MGAT5B: variants seen among roughly 807,000 people sequenced by gnomAD.
The protein encoded by MGAT5B is alpha-1,6-mannosylglycoprotein 6-beta-N-acetylglucosaminyltransferase B.
Under a neutral mutation model 95.1 loss-of-function variants are expected in MGAT5B, and 54 were observed. The ratio of observed to expected loss-of-function variants is 0.57; its 90% confidence interval spans 0.46 to 0.71. MGAT5B has a LOEUF of 0.71. MGAT5B is among the 30% of genes least tolerant of loss of function. The pLI, the probability that MGAT5B is intolerant of heterozygous loss-of-function variation, is 0.00. For missense variants in MGAT5B, 935 were observed against 1,088.6 expected, an observed-to-expected ratio of 0.86 and a Z score of 1.99; for synonymous variants, 464 against 451.0, an observed-to-expected ratio of 1.03 and a Z score of -0.36.
At chr17:76,913,974 G>T in intron 8 of MGAT5B, 1 of 352,678 alleles carries the variant, frequency 2.8e-6, no homozygotes, top group Admixed American at 3.7e-5. Flanking sequence ...AGCCAAGTGC[G>T]CCTGTGGTCC....
At chr17:76,941,787 G>C (rs771513702) in intron 15 of MGAT5B, among the ~76,000 whole-genome samples, 65 of 152,378 alleles carry the variant, frequency 4.3e-4, no homozygotes, top group Non-Finnish European at 8.2e-4. Flanking sequence ...CAGGAAGCAG[G>C]CACGGAGGTG....
At chr17:76,903,416 G>A (rs1968395700) in intron 5 of MGAT5B, 40 bp downstream of exon 5, 1 of 1,554,204 alleles carries the variant, frequency 6.4e-7, no homozygotes, top group African/African-American at 1.4e-5. Context: ...TCTACAGCTA[G>A]GGCCTCTCTG....
At position 76,916,977 on chromosome 17, in the gene MGAT5B, A is replaced by G. The variant is rs1262790335; in HGVS notation, c.1026-7989A>G. On this transcript the variant is annotated intron_variant, in intron 8 of 17. Coordinates refer to ENST00000569840, the MANE Select transcript of MGAT5B (RefSeq NM_001199172.2). The surrounding 1 kb of genome is among the most constrained non-coding windows in gnomAD (Gnocchi z 5.3). ...GTCTGGGGCTTTTTATTCTGGGTGAAGCCGGCAGAAGCACAGGGTGGTACG... is the reference window on the plus strand; with the variant it reads ...GTCTGGGGCTTTTTATTCTGGGTGAGGCCGGCAGAAGCACAGGGTGGTACG... Among the ~76,000 whole-genome samples, 1 of 152,138 alleles carries G rather than the reference A, an allele frequency of 6.6e-6. No homozygotes were observed. The highest frequency in any genetic ancestry group is 1.5e-5 in the Non-Finnish European group (1 of 68,016).
At chr17:76,909,814 C>G (rs1191624280) in intron 8 of MGAT5B, among the ~76,000 whole-genome samples, 1 of 152,162 alleles carries the variant, frequency 6.6e-6, no homozygotes, top group African/African-American at 2.4e-5. Context: ...AGGTTTTCAT[C>G]CCCGTGGCCT....
Position 76,949,004 on chromosome 17 carries a change from TAGG to T in MGAT5B, c.*173_*175del, listed in dbSNP as rs992401030. The T allele has an allele frequency of 2.5e-6, 2 of 805,938 alleles. No individual in the cohort carries two copies. The highest frequency in any genetic ancestry group is 3.8e-6 in the Non-Finnish European group (2 of 524,682). 49.9% of individuals were successfully genotyped at this position (805,938 alleles called of 1,614,324 possible). On this transcript the variant is annotated 3_prime_UTR_variant, in exon 18 of 18. Coordinates refer to ENST00000569840, the MANE Select transcript of MGAT5B (RefSeq NM_001199172.2). ...GGCAGAGGAGAGCCGTGCCCGGGAA[TAGG>T]AGGAGGCAGCATGCCGAGCCCCTGG...
intron 12 of MGAT5B, among the ~76,000 whole-genome samples, chr17:76,935,902 AC>A (rs1348957938): frequency 1.5e-5 from 2 of 134,630 alleles, no homozygotes; most frequent in Non-Finnish European, 1.6e-5. Context: ...AATTATATAT[AC>A]ATTATATATA....
In MGAT5B at chr17:76,905,116, A is replaced by G; in HGVS notation, c.691-53A>G. 6.5e-7 allele frequency: 1 copy of G among 1,548,718 alleles called. No individual in the cohort carries two copies. Among genetic ancestry groups the G allele is most frequent in the South Asian group, 1.2e-5 (1 of 82,188 alleles). The stretch of plus-strand genomic sequence containing the variant: ...GCCCCTGTCCCCAGGCCAGCGGGGA[A>G]TGATGGTGGCCGCAGGTTGAGGGGC... On this transcript the variant is annotated intron_variant, in intron 6 of 17. Coordinates refer to ENST00000569840, the MANE Select transcript of MGAT5B (RefSeq NM_001199172.2). The surrounding 1 kb of genome is among the most constrained non-coding windows in gnomAD (Gnocchi z 4.2).
chr17:76,895,425 T>C (rs1053296227), intron 3 of MGAT5B, among the ~76,000 whole-genome samples: 2 of 152,112 alleles, frequency 1.3e-5, no homozygotes, highest in African/African-American at 4.8e-5. Context: ...AAAATTGTCT[T>C]CCACGAAACC....
At chr17:76,904,781 C>T (rs965485291) in intron 6 of MGAT5B, among the ~76,000 whole-genome samples, 2 of 152,224 alleles carry the variant, frequency 1.3e-5, no homozygotes, top group Non-Finnish European at 2.9e-5. Flanking sequence ...ATTTGACAGA[C>T]GATGCATCTG....
intron 8 of MGAT5B, among the ~76,000 whole-genome samples, chr17:76,922,963 C>T (rs539101661): frequency 6.6e-6 from 1 of 152,286 alleles, no homozygotes; most frequent in East Asian, 1.9e-4. Context: ...CCAGAGAAAG[C>T]GCCTCCCCTC....
At chr17:76,933,251 C>G in intron 11 of MGAT5B, 41 bp from the exon 12 acceptor site, 1 of 1,595,146 alleles carries the variant, frequency 6.3e-7, no homozygotes, top group Non-Finnish European at 8.5e-7. Flanking sequence ...AACCTGCTGT[C>G]TCTCTCTCTG....
chr17:76,879,408 G>A (rs1335179157), intron 2 of MGAT5B, among the ~76,000 whole-genome samples: 2 of 152,202 alleles, frequency 1.3e-5, no homozygotes, highest in South Asian at 2.1e-4. Flanking sequence ...CTCTGGCCAC[G>A]GCACCGCTAT....
In MGAT5B at chr17:76,882,360, C is replaced by T. The variant is rs972823511; in HGVS notation, c.329+62C>T. The T allele has an allele frequency of 2.5e-5, 38 of 1,529,652 alleles. No individual in the cohort carries two copies. In the Admixed American group the frequency reaches 2.7e-4, roughly 11 times the overall value. 94.8% of individuals were successfully genotyped at this position (1,529,652 alleles called of 1,614,324 possible). ...GAGCGGTGGCACCTGCCACTCCATC[C>T]GGGGTGCTGTCCGTCATCTCCTTTT... On this transcript the variant is annotated intron_variant, in intron 3 of 17. Transcript: ENST00000569840.
At chr17:76,931,630 G>T (rs1417953302) in intron 10 of MGAT5B, among the ~76,000 whole-genome samples, 1 of 133,096 alleles carries the variant, frequency 7.5e-6, no homozygotes, top group African/African-American at 2.6e-5. Flanking sequence ...CCTGGTGATT[G>T]TCGGGCGGAC....
At chr17:76,879,512 C>T (rs866529671) in intron 2 of MGAT5B, among the ~76,000 whole-genome samples, 2 of 152,160 alleles carry the variant, frequency 1.3e-5, no homozygotes, top group African/African-American at 2.4e-5. Context: ...GAGCTATGAG[C>T]GACAGCCCAC....
chr17:76,937,886 TGG>T, intron 12 of MGAT5B, 100 bp from the exon 13 acceptor site: 1 of 1,430,152 alleles, frequency 7.0e-7, no homozygotes, highest in Non-Finnish European at 9.6e-7. Context: ...AACCTGAGAC[TGG>T]GTCCACATCT....
chr17:76,938,971 A>C lies in MGAT5B; in HGVS notation c.1584+828A>C, dbSNP rs1969763063. 3.4e-5 allele frequency among the ~76,000 whole-genome samples: 5 copies of C among 149,246 alleles called. No individual in the cohort carries two copies. In the South Asian group the frequency reaches 1.1e-3, roughly 32 times the overall value. ...TGGGATTACAGATGTGAGCCACTGC[A>C]CCTGGCCCCAGGCCCTCTCTTGATC... On this transcript the variant is annotated intron_variant, in intron 13 of 17. Transcript: ENST00000569840. This position sits in a 1 kb window ranked among gnomAD's most constrained non-coding sequence, Gnocchi z 4.3.
At chr17:76,902,362 G>A (rs563585476) in intron 3 of MGAT5B, among the ~76,000 whole-genome samples, 193 bp from the exon 4 acceptor site, 97 of 152,288 alleles carry the variant, frequency 6.4e-4, no homozygotes, top group African/African-American at 2.1e-3. Context: ...TGTGTGTACT[G>A]GATGGGGTGG....
chr17:76,926,443 A>C (rs1969314380), intron 9 of MGAT5B, among the ~76,000 whole-genome samples, 154 bp from the exon 10 acceptor site: 1 of 152,198 alleles, frequency 6.6e-6, no homozygotes, highest in Admixed American at 6.5e-5. Context: ...CTGTGGTCAC[A>C]CAGCAGGGCA....
Sources: allele counts gnomAD v4.1 joint callset (sites outside exome capture counted in the v4.1 genomes callset), GRCh38; gene constraint gnomAD v4.1.1; non-coding constraint Gnocchi (gnomAD v3.1); transcripts MANE v1.5; gene names NCBI Gene and HGNC (gene_info 2026-07-23, HGNC 2026-07-21).